NALF1: variants seen among roughly 807,000 people sequenced by gnomAD.
The protein encoded by NALF1 is NALCN channel auxiliary factor 1.
In NALF1, 3 loss-of-function variants were observed where a neutral mutation model predicts 48.4. That is an observed-to-expected ratio of 0.06 (90% CI 0.03 to 0.16). The LOEUF is 0.16. Among genes scored for constraint, NALF1 ranks in the 10% least tolerant of loss-of-function variants. NALF1 has a pLI of 1.00. For synonymous variants in NALF1, 262 were observed against 245.7 expected, an observed-to-expected ratio of 1.07 and a Z score of -0.62; for missense variants, 526 against 571.5, an observed-to-expected ratio of 0.92 and a Z score of 0.81.
At position 107,640,056 on chromosome 13, in the gene NALF1, T is replaced by C. The variant is rs549710429; in HGVS notation, c.915+225626A>G. 4.1e-4 allele frequency among the ~76,000 whole-genome samples: 63 copies of C among 152,316 alleles called. 1 individual carries two copies. The highest frequency in any genetic ancestry group is 6.8e-3 in the Middle Eastern group (2 of 294). On this transcript the variant is annotated intron_variant, in intron 1 of 2. Coordinates refer to ENST00000375915, the MANE Select transcript of NALF1 (RefSeq NM_001080396.3). ...CTTATATTCAAAAGGATTGGAATCA[T>C]TGACTGTTTTAAAATATTTATTATT...
intron 1 of NALF1, among the ~76,000 whole-genome samples, chr13:107,860,446 G>C (rs965797533): frequency 6.6e-6 from 1 of 152,158 alleles, no homozygotes; most frequent in Non-Finnish European, 1.5e-5. Context: ...CTGCACATCA[G>C]AATCACCAGG....
intron 1 of NALF1, among the ~76,000 whole-genome samples, chr13:107,561,344 C>T (rs1178106814): frequency 6.6e-6 from 1 of 152,158 alleles, no homozygotes; most frequent in African/African-American, 2.4e-5. Flanking sequence ...TTTTTCCTGA[C>T]ATTGACATTT....
At chr13:107,788,850 G>A (rs940505412) in intron 1 of NALF1, 8 of 152,134 alleles carry the variant, frequency 5.3e-5, no homozygotes, top group Middle Eastern at 3.4e-3. Flanking sequence ...AGTGGCAACC[G>A]GAAAGCGTTT....
intron 1 of NALF1, among the ~76,000 whole-genome samples, chr13:107,830,791 C>A (rs1324142175): frequency 2.0e-5 from 3 of 152,138 alleles, no homozygotes; most frequent in Non-Finnish European, 4.4e-5. Flanking sequence ...GCCACTGACG[C>A]ATGTGTGTGT....
intron 1 of NALF1, among the ~76,000 whole-genome samples, chr13:107,467,672 G>A (rs549696388): frequency 6.6e-6 from 1 of 152,234 alleles, no homozygotes; most frequent in East Asian, 1.9e-4. Context: ...AGCCATATGA[G>A]AGGCAAATAA....
intron 1 of NALF1, among the ~76,000 whole-genome samples, chr13:107,512,932 C>A (rs1875943366): frequency 6.6e-6 from 1 of 152,134 alleles, no homozygotes; most frequent in South Asian, 2.1e-4. Flanking sequence ...TACCTCAATA[C>A]CCCAAAAGAC....
At chr13:107,713,304 G>C (rs1156241732) in intron 1 of NALF1, among the ~76,000 whole-genome samples, 1 of 152,010 alleles carries the variant, frequency 6.6e-6, no homozygotes, top group African/African-American at 2.4e-5. Context: ...CATATACTTG[G>C]GCATTGTTCC....
At chr13:107,424,599 A>AG (rs58128295) in intron 1 of NALF1, among the ~76,000 whole-genome samples, 51,917 of 152,002 alleles carry the variant, frequency 0.34, 9,148 homozygotes, top group African/African-American at 0.44. Context: ...ATGAAGCAAA[A>AG]GCAAGAAAGG....
intron 1 of NALF1, among the ~76,000 whole-genome samples, chr13:107,741,548 T>C (rs2138544649): frequency 6.6e-6 from 1 of 151,768 alleles, no homozygotes; most frequent in South Asian, 2.1e-4. Context: ...ATGATGGTAC[T>C]ATAAACGGGA....
chr13:107,422,286 G>C (rs1884202237), intron 1 of NALF1, among the ~76,000 whole-genome samples: 1 of 152,072 alleles, frequency 6.6e-6, no homozygotes, highest in Non-Finnish European at 1.5e-5. Context: ...TTGTTTATAA[G>C]CCTTAAAAAC....
chr13:107,299,379 G>T (rs1002786973), intron 1 of NALF1, among the ~76,000 whole-genome samples: 2 of 151,188 alleles, frequency 1.3e-5, no homozygotes, highest in African/African-American at 4.9e-5. Flanking sequence ...GGAGGTAGCA[G>T]TGAGCGAGAT....
chr13:107,565,571 A>G (rs958252860), intron 1 of NALF1, among the ~76,000 whole-genome samples: 1 of 152,196 alleles, frequency 6.6e-6, no homozygotes, highest in African/African-American at 2.4e-5. Context: ...CGAGAGTTGA[A>G]TAACCTCTTT....
intron 1 of NALF1, among the ~76,000 whole-genome samples, chr13:107,813,399 A>C (rs999921828): frequency 6.6e-6 from 1 of 152,220 alleles, no homozygotes; most frequent in African/African-American, 2.4e-5. Flanking sequence ...GGAAAGCCAA[A>C]GTATTTAATT....
rs575100365 is a variant in NALF1, at chr13:107,647,303, TA to T, written c.915+218378del. On this transcript the variant is annotated intron_variant, in intron 1 of 2. Transcript: ENST00000375915. Reference sequence around the variant, plus strand: ...CTCTTCCCTCACTCTATGCCCTCAGTAAAGAGTTAGTTTTCAAAATTTTGTC... The same window carrying T: ...CTCTTCCCTCACTCTATGCCCTCAGTAAGAGTTAGTTTTCAAAATTTTGTC... 1.5e-3 allele frequency among the ~76,000 whole-genome samples: 232 copies of T among 152,130 alleles called. 1 individual carries two copies. The highest frequency in any genetic ancestry group is 4.5e-3 in the Admixed American group (69 of 15,274).
intron 1 of NALF1, among the ~76,000 whole-genome samples, chr13:107,532,829 T>TC: frequency 6.6e-6 from 1 of 152,046 alleles, no homozygotes; most frequent in Non-Finnish European, 1.5e-5. Flanking sequence ...GAATATAATT[T>TC]TGTGCTAGTT....
chr13:107,639,904 C>CA (rs1362360503), intron 1 of NALF1, among the ~76,000 whole-genome samples: 1 of 152,102 alleles, frequency 6.6e-6, no homozygotes, highest in Non-Finnish European at 1.5e-5. Context: ...AGGTAGTTGG[C>CA]ACCTATTATT....
chr13:107,557,399 G>GA (rs1279501327), intron 1 of NALF1, among the ~76,000 whole-genome samples: 1 of 152,146 alleles, frequency 6.6e-6, no homozygotes, highest in African/African-American at 2.4e-5. Flanking sequence ...TTGGAAAGGG[G>GA]ATGGGGTGAC....
intron 1 of NALF1, among the ~76,000 whole-genome samples, chr13:107,435,914 A>G (rs1028445768): frequency 2.0e-5 from 3 of 152,286 alleles, no homozygotes; most frequent in South Asian, 4.1e-4. Context: ...TCTCATTGCT[A>G]TGAATACCAT....
At chr13:107,390,577 T>A (rs1364823255) in intron 1 of NALF1, among the ~76,000 whole-genome samples, 2 of 152,082 alleles carry the variant, frequency 1.3e-5, no homozygotes, top group East Asian at 3.9e-4. Flanking sequence ...CGAGGCTCCA[T>A]CTCAAAAACA....
Sources: allele counts gnomAD v4.1 joint callset (sites outside exome capture counted in the v4.1 genomes callset), GRCh38; gene constraint gnomAD v4.1.1; transcripts MANE v1.5; gene names NCBI Gene and HGNC (gene_info 2026-07-23, HGNC 2026-07-21).